The following CD59 variants were observed in gnomAD, a reference collection of about 807,000 sequenced individuals.
CD59 encodes the protein CD59 molecule (CD59 blood group).
Under a neutral mutation model 7.0 loss-of-function variants are expected in CD59, and 3 were observed. That is an observed-to-expected ratio of 0.43 (90% CI 0.19 to 1.10). The LOEUF (loss-of-function observed/expected upper bound fraction) is 1.10, where lower values mean the gene tolerates loss of function less well. CD59 is among the 50% of genes least tolerant of loss of function. CD59 has a pLI of 0.29. For missense variants in CD59, 143 were observed against 151.0 expected (o/e 0.95, Z 0.28); for synonymous variants, 60 against 62.0 (o/e 0.97, Z 0.15).
intron 3 of CD59, among the ~76,000 whole-genome samples, chr11:33,710,701 G>A (rs1413198531): frequency 1.3e-5 from 2 of 151,198 alleles, no homozygotes; most frequent in Admixed American, 6.6e-5. Context: ...GAAGTTACTT[G>A]GGGATTTTTT....
chr11:33,732,388 C>T (rs1403706634), intron 1 of CD59, among the ~76,000 whole-genome samples: 3 of 150,004 alleles, frequency 2.0e-5, no homozygotes, highest in Admixed American at 6.6e-5. Flanking sequence ...TCCCCCTTTG[C>T]TGTCTTCCTC....
At chr11:33,726,036 T>C (rs1409951103) in intron 1 of CD59, among the ~76,000 whole-genome samples, 1 of 152,120 alleles carries the variant, frequency 6.6e-6, no homozygotes, top group African/African-American at 2.4e-5. Context: ...TAAAGCAAGT[T>C]CTTAGAGACC....
At chr11:33,716,497 G>A (rs1288773880) in intron 3 of CD59, among the ~76,000 whole-genome samples, 1 of 152,114 alleles carries the variant, frequency 6.6e-6, no homozygotes, top group Non-Finnish European at 1.5e-5. Context: ...GTTTTACCTT[G>A]GACACTAAGA....
intron 2 of CD59, among the ~76,000 whole-genome samples, chr11:33,721,678 G>A (rs1474868555): frequency 2.0e-5 from 3 of 152,232 alleles, no homozygotes; most frequent in African/African-American, 4.8e-5. Flanking sequence ...GGGTGGCTGA[G>A]GAGAGGGGGT....
chr11:33,735,341 A>G (rs534944589), intron 1 of CD59, among the ~76,000 whole-genome samples: 17 of 152,348 alleles, frequency 1.1e-4, no homozygotes, highest in African/African-American at 4.1e-4. Context: ...GTGCTGTTAA[A>G]TACTTCCAGA....
chr11:33,722,987 G>GA (rs759124542), intron 1 of CD59: 23 of 1,026,454 alleles, frequency 2.2e-5, no homozygotes, highest in Non-Finnish European at 2.7e-5. Context: ...GGGACATGAA[G>GA]AGAGGTATTG....
At chr11:33,722,085 G>A (rs944152916) in intron 2 of CD59, among the ~76,000 whole-genome samples, 24 of 152,206 alleles carry the variant, frequency 1.6e-4, no homozygotes, top group African/African-American at 5.1e-4. Context: ...GTATCCATTG[G>A]TGTCCCCAAG....
intron 1 of CD59, chr11:33,733,611 C>T (rs1187956448): frequency 6.6e-6 from 1 of 150,992 alleles, no homozygotes; most frequent in Admixed American, 6.6e-5. Context: ...CAGAGAGAGA[C>T]TGTCTCAAAA....
intron 1 of CD59, among the ~76,000 whole-genome samples, chr11:33,728,313 C>T (rs959699824): frequency 1.1e-4 from 16 of 152,032 alleles, no homozygotes; most frequent in African/African-American, 1.7e-4. Flanking sequence ...GTACTGGTAC[C>T]GAAACAGATA....
At chr11:33,728,120 T>C (rs1404536280) in intron 1 of CD59, among the ~76,000 whole-genome samples, 2 of 152,148 alleles carry the variant, frequency 1.3e-5, no homozygotes, top group Non-Finnish European at 1.5e-5. Context: ...GATTCAATGC[T>C]ATTCCCATCA....
At chr11:33,727,426 T>C (rs187742681) in intron 1 of CD59, among the ~76,000 whole-genome samples, 1 of 152,128 alleles carries the variant, frequency 6.6e-6, no homozygotes, top group South Asian at 2.1e-4. Flanking sequence ...AAAAACCACA[T>C]GATTATCTCA....
At chr11:33,717,704 T>C (rs988672636) in intron 2 of CD59, 2 of 487,234 alleles carry the variant, frequency 4.1e-6, no homozygotes, top group African/African-American at 2.0e-5. Flanking sequence ...CATCTAACTG[T>C]GCAATTGAGA....
chr11:33,736,075 AGGGGCCCGGGTGC>A lies in CD59; in HGVS notation c.-19+294_-19+306del, dbSNP rs754482788. 1.3e-5 allele frequency among the ~76,000 whole-genome samples: 2 copies of A among 152,112 alleles called. No individual in the cohort carries two copies. The highest frequency in any genetic ancestry group is 2.9e-5 in the Non-Finnish European group (2 of 68,002). On this transcript the variant is annotated intron_variant, in intron 1 of 3. Coordinates refer to ENST00000642928, the MANE Select transcript of CD59 (RefSeq NM_000611.6). This position sits in a 1 kb window ranked among gnomAD's most constrained non-coding sequence, Gnocchi z 4.4. ...CTTCCCTTGAGACGAAAGCGATGGC[AGGGGCCCGGGTGC>A]GAGGCTGCCCCCGAGGGAATGGGGG... is the stretch of plus-strand genomic sequence containing the variant.
At chr11:33,716,920 T>C (rs149882702) in intron 3 of CD59, among the ~76,000 whole-genome samples, 25 of 152,348 alleles carry the variant, frequency 1.6e-4, no homozygotes, top group African/African-American at 4.8e-4. Flanking sequence ...TATAATGACA[T>C]TTAGGACAGC....
intron 3 of CD59, among the ~76,000 whole-genome samples, chr11:33,711,911 G>A (rs1001003957): frequency 6.6e-6 from 1 of 152,176 alleles, no homozygotes; most frequent in Non-Finnish European, 1.5e-5. Context: ...TTGCTGGTGG[G>A]AATGTAAAAT....
chr11:33,706,511 C>T lies in CD59; in HGVS notation c.*3615G>A, dbSNP rs886383244. On this transcript the variant is annotated 3_prime_UTR_variant, in exon 4 of 4. Coordinates refer to ENST00000642928, the MANE Select transcript of CD59 (RefSeq NM_000611.6). Reference sequence around the variant, plus strand: ...CATTATCTCAAGCCTCACAACAATTCTTTGAGGTAGACATAGAAAGTGAAA... The same window carrying T: ...CATTATCTCAAGCCTCACAACAATTTTTTGAGGTAGACATAGAAAGTGAAA... 8 of 144,096 alleles carry T rather than the reference C, an allele frequency of 5.6e-5. No individual in the cohort carries two copies. In the East Asian group the frequency reaches 1.5e-3, roughly 27 times the overall value. The allele number at this position is 144,096 out of a possible 1,614,324, so 8.9% of individuals were successfully genotyped here.
intron 2 of CD59, among the ~76,000 whole-genome samples, chr11:33,720,616 C>T (rs953492327): frequency 6.6e-5 from 10 of 152,164 alleles, no homozygotes; most frequent in Non-Finnish European, 1.5e-4. Flanking sequence ...GTAATCCCAG[C>T]TACTCAGAAG....
At position 33,710,489 on chromosome 11, in the gene CD59, A is replaced by G. The variant is rs1281144834; in HGVS notation, c.170-146T>C. The G allele has an allele frequency of 5.7e-6, 4 of 703,570 alleles. No homozygotes were observed. The African/African-American group carries it at 7.1e-5, about 12-fold the overall frequency. 43.6% of individuals were successfully genotyped at this position (703,570 alleles called of 1,614,324 possible). A position where few individuals can be genotyped will look rare whatever the true frequency, so the allele number is the denominator to read the frequency against. On this transcript the variant is annotated intron_variant, in intron 3 of 3. Transcript: ENST00000642928. The stretch of plus-strand genomic sequence containing the variant: ...CATCCCAGGTGGGTTGTAAAGGAGA[A>G]CAATTAAGTAAATAATGATACACCT...
chr11:33,723,447 A>T (rs1055937778), intron 1 of CD59, among the ~76,000 whole-genome samples: 1 of 152,190 alleles, frequency 6.6e-6, no homozygotes, highest in African/African-American at 2.4e-5. Context: ...CCAGTGGAGG[A>T]CTGAGAAGTT....
Sources: gnomAD v4.1 joint callset for allele counts (sites outside exome capture counted in the v4.1 genomes callset) on GRCh38, gnomAD v4.1.1 for gene constraint, Gnocchi (gnomAD v3.1) non-coding constraint, MANE v1.5 for transcripts, NCBI Gene and HGNC (gene_info 2026-07-23, HGNC 2026-07-21) for gene names.